WWOX: variants seen among roughly 807,000 people sequenced by gnomAD.
The protein encoded by WWOX is WW domain containing oxidoreductase, also known as WW domain-containing oxidoreductase.
A neutral mutation model predicts 46.2 loss-of-function variants in WWOX; 69 were observed. That is an observed-to-expected ratio of 1.49 (90% CI 1.23 to 1.82). The LOEUF (loss-of-function observed/expected upper bound fraction) is 1.82. WWOX is among the 40% of genes most tolerant of loss of function. The pLI is 0.00. For missense variants in WWOX, 919 were observed against 542.6 expected, an observed-to-expected ratio of 1.69 and a Z score of -6.89; for synonymous variants, 359 against 202.6, an observed-to-expected ratio of 1.77 and a Z score of -6.56.
At chr16:78,878,703 C>G (rs557413752) in intron 8 of WWOX, among the ~76,000 whole-genome samples, 128 of 152,098 alleles carry the variant, frequency 8.4e-4, no homozygotes, top group South Asian at 1.7e-3. Context: ...AGACCCCTTT[C>G]CCTGCAACAC....
At chr16:78,799,646 A>C (rs1046880866) in intron 8 of WWOX, among the ~76,000 whole-genome samples, 3 of 152,086 alleles carry the variant, frequency 2.0e-5, no homozygotes, top group African/African-American at 7.2e-5. Flanking sequence ...CTTGGAGCTC[A>C]TGTTCTGTGG....
intron 8 of WWOX, among the ~76,000 whole-genome samples, chr16:78,981,086 G>C (rs997189292): frequency 6.6e-6 from 1 of 152,196 alleles, no homozygotes; most frequent in Non-Finnish European, 1.5e-5. Flanking sequence ...AGCCTCATTC[G>C]AGTTCTTCCT....
At chr16:78,941,617 A>T (rs2045853403) in intron 8 of WWOX, among the ~76,000 whole-genome samples, 1 of 152,170 alleles carries the variant, frequency 6.6e-6, no homozygotes, top group Non-Finnish European at 1.5e-5. Flanking sequence ...TTCATAAATC[A>T]TAGGAGAGTG....
intron 8 of WWOX, among the ~76,000 whole-genome samples, chr16:78,701,278 T>C (rs896748523): frequency 1.3e-5 from 2 of 152,278 alleles, no homozygotes; most frequent in South Asian, 2.1e-4. Flanking sequence ...GGTCTTGTTA[T>C]GTTTCCTGGG....
chr16:78,877,657 T>C (rs2044261491), intron 8 of WWOX, among the ~76,000 whole-genome samples: 1 of 152,212 alleles, frequency 6.6e-6, no homozygotes, highest in Admixed American at 6.5e-5. Context: ...TTGTGTTTAT[T>C]CTCCTATTCT....
At chr16:78,899,042 A>G (rs2044765178) in intron 8 of WWOX, 2 of 152,114 alleles carry the variant, frequency 1.3e-5, no homozygotes, top group Non-Finnish European at 1.5e-5. Flanking sequence ...ATCTCTGAAT[A>G]TAGTTTTACT....
At chr16:78,812,733 C>G (rs1413349003) in intron 8 of WWOX, among the ~76,000 whole-genome samples, 3 of 147,838 alleles carry the variant, frequency 2.0e-5, no homozygotes, top group African/African-American at 7.9e-5. Context: ...CCTCCCACCC[C>G]CTAAAAAAAA....
At chr16:78,802,280 T>TA (rs2050911158) in intron 8 of WWOX, among the ~76,000 whole-genome samples, 1 of 150,004 alleles carries the variant, frequency 6.7e-6, no homozygotes, top group South Asian at 2.1e-4. Flanking sequence ...TGTGTTAAGA[T>TA]ATTTAACGGG....
chr16:79,031,253 C>T (rs1266899741), intron 8 of WWOX, among the ~76,000 whole-genome samples: 1 of 152,098 alleles, frequency 6.6e-6, no homozygotes, highest in African/African-American at 2.4e-5. Context: ...CCTGCAGAGC[C>T]CACGTGTGGG....
intron 8 of WWOX, among the ~76,000 whole-genome samples, chr16:78,606,887 T>C (rs1001319379): frequency 3.0e-4 from 45 of 152,080 alleles, no homozygotes; most frequent in Non-Finnish European, 7.4e-5. Context: ...CAGGGATTGT[T>C]GGGGAGAAAA....
chr16:78,204,003 A>T (rs373161307), intron 5 of WWOX, among the ~76,000 whole-genome samples: 1 of 152,178 alleles, frequency 6.6e-6, no homozygotes, highest in African/African-American at 2.4e-5. Context: ...CTGCTTGGAC[A>T]TGGCGGTGTG....
intron 8 of WWOX, among the ~76,000 whole-genome samples, chr16:78,753,153 A>C (rs913420328): frequency 7.9e-5 from 12 of 152,056 alleles, no homozygotes; most frequent in Non-Finnish European, 1.5e-4. Flanking sequence ...AAACAAAATT[A>C]GCCGGGCGTG....
intron 5 of WWOX, among the ~76,000 whole-genome samples, chr16:78,187,300 G>C (rs564719972): frequency 6.6e-6 from 1 of 152,136 alleles, no homozygotes; most frequent in African/African-American, 2.4e-5. Flanking sequence ...AAAGAAAAGA[G>C]GACTGCACTC....
chr16:79,041,145 A>G (rs937649294), intron 8 of WWOX, among the ~76,000 whole-genome samples: 2 of 152,312 alleles, frequency 1.3e-5, no homozygotes, highest in South Asian at 4.1e-4. Flanking sequence ...GCAGTCTCTG[A>G]CACAATACAG....
chr16:78,145,136 C>G (rs1322592074), intron 4 of WWOX, among the ~76,000 whole-genome samples: 3 of 152,126 alleles, frequency 2.0e-5, no homozygotes, highest in African/African-American at 7.2e-5. Context: ...TTGGTTCCTT[C>G]TGAGGACTGG....
chr16:78,162,197 A>G (rs1331634368), intron 4 of WWOX, among the ~76,000 whole-genome samples: 1 of 152,070 alleles, frequency 6.6e-6, no homozygotes, highest in African/African-American at 2.4e-5. Context: ...CTCTGCCTTT[A>G]TTTTTCAAAA....
intron 8 of WWOX, among the ~76,000 whole-genome samples, chr16:78,740,119 T>C (rs2049181674): frequency 6.6e-6 from 1 of 152,126 alleles, no homozygotes; most frequent in Non-Finnish European, 1.5e-5. Context: ...CCCCATGCCA[T>C]GTAGCACTGC....
At chr16:78,658,251 AG>A (rs145556487) in intron 8 of WWOX, among the ~76,000 whole-genome samples, 60 of 152,316 alleles carry the variant, frequency 3.9e-4, no homozygotes, top group African/African-American at 1.4e-3. Flanking sequence ...TCTTTCCATG[AG>A]AAAGTATTTT....
chr16:78,593,335 C>G (rs116669512), intron 8 of WWOX, among the ~76,000 whole-genome samples: 1 of 152,178 alleles, frequency 6.6e-6, no homozygotes, highest in Non-Finnish European at 1.5e-5. Context: ...ACCACCATCC[C>G]TGGCCTTGAT....
Sources: gnomAD v4.1 joint callset for allele counts (sites outside exome capture counted in the v4.1 genomes callset) on GRCh38, gnomAD v4.1.1 for gene constraint, MANE v1.5 for transcripts, NCBI Gene and HGNC (gene_info 2026-07-23, HGNC 2026-07-21) for gene names.